MAP4K3: variants seen among roughly 807,000 people sequenced by gnomAD.
The protein encoded by MAP4K3 is MAPK/ERK kinase kinase kinase 3.
MAP4K3 carries 94 observed loss-of-function variants against 143.5 expected under a neutral mutation model. The observed-to-expected ratio is 0.65, with a 90% CI of 0.55 to 0.78. The LOEUF is 0.78. Ranked by LOEUF, MAP4K3 falls within the 30% of genes least tolerant of loss-of-function variation. The pLI is 0.00. For missense variants in MAP4K3, 1,077 were observed against 1,068.1 expected, an observed-to-expected ratio of 1.01 and a Z score of -0.12; for synonymous variants, 416 against 347.2, an observed-to-expected ratio of 1.20 and a Z score of -2.20.
intron 1 of MAP4K3, among the ~76,000 whole-genome samples, chr2:39,419,709 A>T (rs1667493554): frequency 1.3e-5 from 2 of 152,212 alleles, no homozygotes; most frequent in South Asian, 4.1e-4. Flanking sequence ...ACTAACCAGA[A>T]ATAAGAGACC....
chr2:39,378,062 T>G lies in MAP4K3; in HGVS notation c.154+4A>C. On this transcript the variant is annotated splice_donor_region_variant and intron_variant, in intron 2 of 33. Coordinates refer to ENST00000263881, the MANE Select transcript of MAP4K3 (RefSeq NM_003618.4). Reference sequence around the variant, plus strand: ...TAAGAAAAAATGAATTTCAAACAATTTACCTGGTTCCAATTTTATTACTTT... The same window carrying G: ...TAAGAAAAAATGAATTTCAAACAATGTACCTGGTTCCAATTTTATTACTTT... 1 of 1,558,304 alleles carries G rather than the reference T, an allele frequency of 6.4e-7. No homozygotes were observed. The highest frequency in any genetic ancestry group is 8.8e-7 in the Non-Finnish European group (1 of 1,137,522).
chr2:39,292,956 G>T, intron 17 of MAP4K3, 130 bp from the exon 18 acceptor site: 1 of 782,148 alleles, frequency 1.3e-6, no homozygotes, highest in Non-Finnish European at 2.1e-6. Context: ...GGATAGGATA[G>T]ATTCAGAATT....
intron 1 of MAP4K3, among the ~76,000 whole-genome samples, chr2:39,398,467 A>G (rs535822605): frequency 1.5e-4 from 23 of 152,152 alleles, no homozygotes; most frequent in African/African-American, 3.1e-4. Context: ...AAATACAGTT[A>G]GTAATACATA....
At chr2:39,424,695 T>C (rs72801484) in intron 1 of MAP4K3, among the ~76,000 whole-genome samples, 53,638 of 151,442 alleles carry the variant, frequency 0.35, 11,653 homozygotes, top group Non-Finnish European at 0.47. Flanking sequence ...GTGGGCAAGG[T>C]GGTGGACACC....
rs749101883 is a variant in MAP4K3, at chr2:39,309,548, ATTTTTTTTTTTTTTTT to A, written c.998-45_998-30del. On this transcript the variant is annotated intron_variant, in intron 13 of 33. Coordinates refer to ENST00000263881, the MANE Select transcript of MAP4K3 (RefSeq NM_003618.4). The stretch of plus-strand genomic sequence containing the variant: ...AAAAAGAAAAAAAAGTAAAACCAGG[ATTTTTTTTTTTTTTTT>A]TTTTTTTTTTTGAGGCAGAGTCTTG... 8 of 339,388 alleles carry A rather than the reference ATTTTTTTTTTTTTTTT, an allele frequency of 2.4e-5. No individual in the cohort carries two copies. The African/African-American group carries it at 2.5e-4, about 11-fold the overall frequency. The allele number at this position is 339,388 out of a possible 1,614,324, so 21.0% of individuals were successfully genotyped here.
rs912769734 is a variant in MAP4K3, at chr2:39,400,680, G to A, written c.97-22557C>T. 5.9e-5 allele frequency among the ~76,000 whole-genome samples: 9 copies of A among 151,578 alleles called. No homozygotes were observed. In the East Asian group the frequency reaches 7.7e-4, roughly 13 times the overall value. ...GAATTTATTATTATAAATTATGACT[G>A]GAAGTCCTGCTTTATTTATATCTAT... On this transcript the variant is annotated intron_variant, in intron 1 of 33. Coordinates refer to ENST00000263881, the MANE Select transcript of MAP4K3 (RefSeq NM_003618.4).
intron 1 of MAP4K3, among the ~76,000 whole-genome samples, chr2:39,434,668 G>T (rs55750780): frequency 0.028 from 4,324 of 152,300 alleles, 216 homozygotes; most frequent in African/African-American, 0.097. Flanking sequence ...AATTGGTTAA[G>T]AATACAGTCC....
At chr2:39,255,145 A>G (rs1470489596) in intron 31 of MAP4K3, among the ~76,000 whole-genome samples, 2 of 152,176 alleles carry the variant, frequency 1.3e-5, no homozygotes, top group African/African-American at 4.8e-5. Flanking sequence ...TACTATCAAT[A>G]TAAATTTTAT....
intron 6 of MAP4K3, among the ~76,000 whole-genome samples, chr2:39,335,658 A>C (rs1664923800): frequency 6.6e-6 from 1 of 152,196 alleles, no homozygotes; most frequent in Non-Finnish European, 1.5e-5. Context: ...CAATCCTCCC[A>C]GATCATCTAC....
rs543507353 is a variant in MAP4K3 at position 39,405,027 on chromosome 2, T to G, written c.97-26904A>C. On this transcript the variant is annotated intron_variant, in intron 1 of 33. Transcript: ENST00000263881. The stretch of plus-strand genomic sequence containing the variant: ...CCTGAAGGGAAGGACACAAGCCTGG[T>G]TGGCTTCACCATCTGCTGATTACAG... Among the ~76,000 whole-genome samples, 103 of 152,320 alleles carry G rather than the reference T, an allele frequency of 6.8e-4. 1 individual carries two copies. Among genetic ancestry groups the G allele is most frequent in the Admixed American group, 3.0e-3 (46 of 15,308 alleles).
In MAP4K3 at chr2:39,253,176, G is replaced by C. The variant is rs147353653; in HGVS notation, c.2541+1274C>G. ...GGGACGGAGTCTTGTTCTGTCGCCA[G>C]GCTGGAGTACAGTGACGCGATCTTG... On this transcript the variant is annotated intron_variant, in intron 32 of 33. Transcript: ENST00000263881. 4.7e-3 allele frequency among the ~76,000 whole-genome samples: 711 copies of C among 152,320 alleles called. 11 individuals carry two copies. The highest frequency in any genetic ancestry group is 0.016 in the African/African-American group (679 of 41,562).
chr2:39,329,693 A>G (rs1297796274), intron 8 of MAP4K3, among the ~76,000 whole-genome samples: 1 of 152,186 alleles, frequency 6.6e-6, no homozygotes, highest in Non-Finnish European at 1.5e-5. Flanking sequence ...GAGACTGCAG[A>G]CTCAAGAGAC....
chr2:39,275,241 C>T (rs1364446764), intron 24 of MAP4K3, among the ~76,000 whole-genome samples: 3 of 152,194 alleles, frequency 2.0e-5, no homozygotes, highest in Non-Finnish European at 4.4e-5. Flanking sequence ...AATCCCAGCA[C>T]TGGGTGGGTA....
intron 23 of MAP4K3, among the ~76,000 whole-genome samples, chr2:39,278,712 T>C (rs1462672802): frequency 6.6e-6 from 1 of 152,216 alleles, no homozygotes. Flanking sequence ...AGGGAGGTTC[T>C]GAAGAGTGGC....
chr2:39,365,865 T>C (rs1049767912), intron 2 of MAP4K3, among the ~76,000 whole-genome samples: 64 of 152,360 alleles, frequency 4.2e-4, no homozygotes, highest in Admixed American at 4.0e-3. Flanking sequence ...CCCATTTCCA[T>C]TCTATTTTAA....
rs145741827 is a variant in MAP4K3, at chr2:39,341,296, C to T, written c.310+2092G>A. 2.7e-4 allele frequency among the ~76,000 whole-genome samples: 41 copies of T among 152,184 alleles called. 1 individual carries two copies. In the East Asian group the frequency reaches 7.9e-3, roughly 29 times the overall value. The stretch of plus-strand genomic sequence containing the variant: ...TCAACCTAGAAAATACCTATCTATA[C>T]CCACTTAAATAATCAACTAATACTG... On this transcript the variant is annotated intron_variant, in intron 4 of 33. Coordinates refer to ENST00000263881, the MANE Select transcript of MAP4K3 (RefSeq NM_003618.4).
chr2:39,429,797 T>A (rs1665228538), intron 1 of MAP4K3, among the ~76,000 whole-genome samples: 1 of 152,212 alleles, frequency 6.6e-6, no homozygotes, highest in African/African-American at 2.4e-5. Flanking sequence ...GAGGACCCAC[T>A]CTGCCTAATT....
At chr2:39,355,711 G>C (rs987258191) in intron 3 of MAP4K3, among the ~76,000 whole-genome samples, 1 of 152,074 alleles carries the variant, frequency 6.6e-6, no homozygotes, top group East Asian at 1.9e-4. Context: ...AACCTGGCTT[G>C]GGTCTGGCTA....
At chr2:39,421,153 C>G (rs1163030922) in intron 1 of MAP4K3, among the ~76,000 whole-genome samples, 1 of 152,186 alleles carries the variant, frequency 6.6e-6, no homozygotes, top group Non-Finnish European at 1.5e-5. Flanking sequence ...AGCTCACTAT[C>G]TACTCTTCGG....
Sources: gnomAD v4.1 joint callset for allele counts (sites outside exome capture counted in the v4.1 genomes callset) on GRCh38, gnomAD v4.1.1 for gene constraint, MANE v1.5 for transcripts, NCBI Gene and HGNC (gene_info 2026-07-23, HGNC 2026-07-21) for gene names.